Variants in KSR1 observed in about 807,000 individuals in gnomAD.
KSR1 encodes kinase suppressor of ras.
KSR1 carries 35 observed loss-of-function variants against 92.9 expected under a neutral mutation model. The ratio of observed to expected loss-of-function variants is 0.38; its 90% CI spans 0.29 to 0.50. The LOEUF (loss-of-function observed/expected upper bound fraction) is 0.50. KSR1 is among the 20% of genes least tolerant of loss of function. The pLI, the probability that KSR1 is intolerant of heterozygous loss-of-function variation, is 0.94. For synonymous variants in KSR1, 467 were observed against 472.6 expected, an observed-to-expected ratio of 0.99 and a Z score of 0.15; for missense variants, 972 against 1,158.5, an observed-to-expected ratio of 0.84 and a Z score of 2.34.
intron 1 of KSR1, among the ~76,000 whole-genome samples, chr17:27,507,874 CTTTG>C (rs2069452998): frequency 6.6e-6 from 1 of 152,042 alleles, no homozygotes; most frequent in Non-Finnish European, 1.5e-5. Flanking sequence ...TGTGCCTGGC[CTTTG>C]TTTGGCTTTT....
At chr17:27,558,986 G>T (rs111966187) in intron 2 of KSR1, among the ~76,000 whole-genome samples, 14 of 152,164 alleles carry the variant, frequency 9.2e-5, no homozygotes. Context: ...GTGTGCAGCC[G>T]TCTGTGTGTG....
At position 27,559,765 on chromosome 17, in the gene KSR1, G is replaced by A. The variant is rs1199088786; in HGVS notation, c.372+9057G>A. Among the ~76,000 whole-genome samples the A allele has an allele frequency of 6.6e-6, 1 of 152,216 alleles. No individual in the cohort carries two copies. The highest frequency in any genetic ancestry group is 1.5e-5 in the Non-Finnish European group (1 of 68,038). ...TGTCCGGGAAGGCAAGAGCACACCA[G>A]GCGGAGGGAAGAATATCTGCAGAGA... is the stretch of plus-strand genomic sequence containing the variant. On this transcript the variant is annotated intron_variant, in intron 2 of 20. Transcript: ENST00000644974. This position sits in a 1 kb window ranked among gnomAD's most constrained non-coding sequence, Gnocchi z 4.2.
intron 1 of KSR1, among the ~76,000 whole-genome samples, chr17:27,531,954 C>T (rs557437585): frequency 3.3e-5 from 5 of 152,282 alleles, no homozygotes; most frequent in African/African-American, 1.2e-4. Flanking sequence ...CAGGTTGAAC[C>T]CAGGACTTCT....
intron 1 of KSR1, among the ~76,000 whole-genome samples, chr17:27,528,564 G>GT (rs971903440): frequency 2.0e-4 from 30 of 152,138 alleles, no homozygotes; most frequent in African/African-American, 7.2e-4. Context: ...GGCTCCTGCT[G>GT]TTTTTTTAAG....
chr17:27,564,591 A>G (rs974040196), intron 2 of KSR1, among the ~76,000 whole-genome samples: 10 of 152,198 alleles, frequency 6.6e-5, no homozygotes, highest in Middle Eastern at 3.4e-3. Flanking sequence ...GAGCCTCACT[A>G]CCTTCTACTG....
At chr17:27,473,371 G>A (rs2020127942) in intron 1 of KSR1, among the ~76,000 whole-genome samples, 1 of 152,188 alleles carries the variant, frequency 6.6e-6, no homozygotes. Flanking sequence ...TCGCATCATT[G>A]GAATGGGAGT....
At chr17:27,533,194 C>T (rs1032933845) in intron 1 of KSR1, among the ~76,000 whole-genome samples, 2 of 152,126 alleles carry the variant, frequency 1.3e-5, no homozygotes, top group African/African-American at 4.8e-5. Context: ...GGGACTGTTC[C>T]TCATCCTCAG....
Position 27,467,909 on chromosome 17 carries a change from C to G in KSR1, c.231+11035C>G, listed in dbSNP as rs578239359. ...CACTGCAAGCTCTGCCTCCTGGGTT[C>G]CATTCCATTCTCCTGCCACAGCCTC... On this transcript the variant is annotated intron_variant, in intron 1 of 20. Transcript: ENST00000644974. Among the ~76,000 whole-genome samples, 18 of 150,626 alleles carry G rather than the reference C, an allele frequency of 1.2e-4. No individual in the cohort carries two copies. In the East Asian group the frequency reaches 3.6e-3, roughly 30 times the overall value.
At chr17:27,607,831 A>G in intron 14 of KSR1, 83 bp from the exon 15 acceptor site, 2 of 987,036 alleles carry the variant, frequency 2.0e-6, no homozygotes, top group Admixed American at 2.0e-5. Flanking sequence ...AGACGGGCAC[A>G]GTTCTCCCCA....
intron 1 of KSR1, among the ~76,000 whole-genome samples, chr17:27,545,356 G>C (rs190750881): frequency 2.0e-4 from 30 of 152,314 alleles, no homozygotes; most frequent in African/African-American, 7.0e-4. Flanking sequence ...ACAATGTATT[G>C]TGTTTGTGTG....
Position 27,456,892 on chromosome 17 carries a change from C to A in KSR1, c.231+18C>A. The A allele has an allele frequency of 1.2e-6, 1 of 824,618 alleles. No individual in the cohort carries two copies. Among genetic ancestry groups the A allele is most frequent in the Non-Finnish European group, 2.1e-6 (1 of 475,218 alleles). 51.1% of individuals were successfully genotyped at this position (824,618 alleles called of 1,614,324 possible). A position where few individuals can be genotyped will look rare whatever the true frequency, so the allele number is the denominator to read the frequency against. On this transcript the variant is annotated intron_variant, in intron 1 of 20. Transcript: ENST00000644974. Reference sequence around the variant, plus strand: ...CCCTGGAGGTAAGTGGGTCGGGGACCAGGCTGGGCTCGAGGAGCGGGCCCG... The same window carrying A: ...CCCTGGAGGTAAGTGGGTCGGGGACAAGGCTGGGCTCGAGGAGCGGGCCCG...
chr17:27,464,093 G>C (rs1182757160), intron 1 of KSR1, among the ~76,000 whole-genome samples: 3 of 152,180 alleles, frequency 2.0e-5, no homozygotes, highest in Admixed American at 6.5e-5. Context: ...ACCACCTTGA[G>C]TCTGGCCTGT....
At chr17:27,585,943 T>G in intron 5 of KSR1, 2 of 455,062 alleles carry the variant, frequency 4.4e-6, no homozygotes, top group Non-Finnish European at 7.9e-6. Context: ...GTCTCCACCT[T>G]GCCCTTCCCC....
chr17:27,519,420 C>T (rs2069931670), intron 1 of KSR1, among the ~76,000 whole-genome samples: 1 of 152,120 alleles, frequency 6.6e-6, no homozygotes, highest in Admixed American at 6.5e-5. Flanking sequence ...AATACTCCTC[C>T]CCACACCCGT....
chr17:27,501,292 C>CTTTTTTTTT, intron 1 of KSR1, among the ~76,000 whole-genome samples: 564 of 49,760 alleles, frequency 0.011, 21 homozygotes, highest in East Asian at 0.013. Flanking sequence ...TTCTTTTCTT[C>CTTTTTTTTT]TTTTTTTTTT....
intron 1 of KSR1, among the ~76,000 whole-genome samples, chr17:27,541,471 G>T (rs1030013616): frequency 2.0e-5 from 3 of 152,220 alleles, no homozygotes; most frequent in African/African-American, 7.2e-5. Flanking sequence ...TGGTGGCCCA[G>T]TTGGGTGGCT....
At chr17:27,558,550 A>G (rs1210032672) in intron 2 of KSR1, among the ~76,000 whole-genome samples, 1 of 152,174 alleles carries the variant, frequency 6.6e-6, no homozygotes, top group Non-Finnish European at 1.5e-5. Context: ...AGAAGAGGCC[A>G]GGTGCCCAGC....
chr17:27,458,662 C>T (rs1388069604), intron 1 of KSR1, among the ~76,000 whole-genome samples: 2 of 152,200 alleles, frequency 1.3e-5, no homozygotes, highest in Non-Finnish European at 2.9e-5. Flanking sequence ...TCCCTGGCAG[C>T]AGAGAACCCA....
intron 6 of KSR1, 61 bp downstream of exon 6, chr17:27,588,596 C>T: frequency 2.8e-6 from 4 of 1,437,474 alleles, no homozygotes; most frequent in Non-Finnish European, 3.8e-6. Context: ...CAGATGGGGC[C>T]AGGAGTTCTG....
Sources: gnomAD v4.1 joint callset for allele counts (sites outside exome capture counted in the v4.1 genomes callset) on GRCh38, gnomAD v4.1.1 for gene constraint, Gnocchi (gnomAD v3.1) non-coding constraint, MANE v1.5 for transcripts, NCBI Gene and HGNC (gene_info 2026-07-23, HGNC 2026-07-21) for gene names.